The following MYO18B variants were observed in gnomAD, a reference collection of about 807,000 sequenced individuals.
The protein encoded by MYO18B is unconventional myosin-XVIIIb.
MYO18B carries 204 observed loss-of-function variants against 273.0 expected under a neutral mutation model. The ratio of observed to expected loss-of-function variants is 0.75; its 90% CI spans 0.67 to 0.84. The LOEUF is 0.84. MYO18B is among the 40% of genes least tolerant of loss of function. The probability of loss-of-function intolerance (pLI) is 0.00; values close to 1 mark genes in which losing one functional copy is unlikely to be tolerated. For missense variants in MYO18B, 3,212 were observed against 3,287.6 expected, an observed-to-expected ratio of 0.98 and a Z score of 0.56; for synonymous variants, 1,330 against 1,305.7, an observed-to-expected ratio of 1.02 and a Z score of -0.40.
Position 25,768,157 on chromosome 22 carries a change from A to G in MYO18B, c.241A>G (p.Ser81Gly). Residue 81 changes from serine (S) to glycine (G), a missense_variant, in exon 4 of 44, where the codon AGT becomes GGT. Coordinates refer to ENST00000335473, the MANE Select transcript of MYO18B (RefSeq NM_032608.7). ...CAGCCAACCCAACAGCAAGTCCAGC[A>G]GTGGCACCAGATCTGGAAGCCAGCA... is the stretch of plus-strand genomic sequence containing the variant. ...SISQPNSKSSSGTRSGSQQIS... is the reference protein window; with the variant it reads ...SISQPNSKSSGGTRSGSQQIS... The G allele has an allele frequency of 6.2e-7, 1 of 1,611,306 alleles. No homozygotes were observed. The highest frequency in any genetic ancestry group is 8.5e-7 in the Non-Finnish European group (1 of 1,178,518).
At position 25,959,793 on chromosome 22, in the gene MYO18B, G is replaced by C. The variant is rs146171715; in HGVS notation, c.6156+4429G>C. Among the ~76,000 whole-genome samples the C allele has an allele frequency of 7.4e-3, 1,128 of 152,290 alleles. 6 individuals are homozygous for C. The highest frequency in any genetic ancestry group is 0.024 in the Middle Eastern group (7 of 292). On this transcript the variant is annotated intron_variant, in intron 39 of 43. Coordinates refer to ENST00000335473, the MANE Select transcript of MYO18B (RefSeq NM_032608.7). ...GGTGTGAGGTTGTCCAGGGCTGCAG[G>C]GTCAGAAAGGGCAGAGCTGGGATTG...
Position 26,030,958 on chromosome 22 carries a change from ATAAG to A in MYO18B, c.*530_*533del, listed in dbSNP as rs1443618415. Reference sequence around the variant, plus strand: ...ATTCATTTCTCTATCCTGTGTATGTATAAGTGTGTACAAGCATTCAAGAAACTGA... The same window carrying A: ...ATTCATTTCTCTATCCTGTGTATGTATGTGTACAAGCATTCAAGAAACTGA... On this transcript the variant is annotated 3_prime_UTR_variant, in exon 44 of 44. Transcript: ENST00000335473. 7.5e-6 allele frequency: 3 copies of A among 398,454 alleles called. No individual in the cohort carries two copies. The South Asian group carries it at 3.8e-4, about 51-fold the overall frequency. 24.7% of individuals were successfully genotyped at this position (398,454 alleles called of 1,614,324 possible).
At chr22:25,986,463 T>C (rs2093203686) in intron 39 of MYO18B, among the ~76,000 whole-genome samples, 1 of 152,148 alleles carries the variant, frequency 6.6e-6, no homozygotes, top group Non-Finnish European at 1.5e-5. Flanking sequence ...TAATCTCAGC[T>C]CACTTTTTAT....
chr22:26,020,655 G>A (rs1883957437), intron 42 of MYO18B, among the ~76,000 whole-genome samples: 2 of 152,276 alleles, frequency 1.3e-5, no homozygotes, highest in South Asian at 4.1e-4. Flanking sequence ...TAGTACTGGG[G>A]GTAATGGAGG....
At chr22:25,878,249 G>A (rs562139760) in intron 25 of MYO18B, among the ~76,000 whole-genome samples, 3 of 152,074 alleles carry the variant, frequency 2.0e-5, no homozygotes, top group East Asian at 1.9e-4. Flanking sequence ...TATCTTCCTC[G>A]AGGCTGCACA....
intron 7 of MYO18B, among the ~76,000 whole-genome samples, chr22:25,776,225 C>G (rs1439327980): frequency 6.6e-6 from 1 of 152,170 alleles, no homozygotes; most frequent in African/African-American, 2.4e-5. Flanking sequence ...ACAGTTTGTT[C>G]CTTTATTTTA....
At chr22:25,877,902 A>C in intron 24 of MYO18B, 57 bp from the exon 25 acceptor site, 1 of 1,440,624 alleles carries the variant, frequency 6.9e-7, no homozygotes, top group East Asian at 2.5e-5. Context: ...CTCCTAACAC[A>C]GGTGGAACTT....
At chr22:26,061,524 G>C in the MYO18B span, among the ~76,000 whole-genome samples, 8 of 151,926 alleles carry the variant, frequency 5.3e-5, no homozygotes, top group African/African-American at 1.7e-4. Context: ...AGCCTCACCA[G>C]ATGAATATCC....
At chr22:25,826,564 C>T (rs763919071) in intron 14 of MYO18B, 65 bp downstream of exon 14, 59 of 1,434,418 alleles carry the variant, frequency 4.1e-5, no homozygotes, top group Middle Eastern at 1.9e-4. Context: ...ATTCACATAC[C>T]GGGCAGTTGA....
intron 39 of MYO18B, among the ~76,000 whole-genome samples, chr22:25,971,799 T>C (rs548278016): frequency 1.3e-5 from 2 of 152,238 alleles, no homozygotes; most frequent in Non-Finnish European, 2.9e-5. Context: ...AAAGACTTGT[T>C]GTCTGTAAGC....
At chr22:25,780,726 C>T (rs1456512241) in intron 9 of MYO18B, among the ~76,000 whole-genome samples, 1 of 151,994 alleles carries the variant, frequency 6.6e-6, no homozygotes, top group Non-Finnish European at 1.5e-5. Flanking sequence ...TGCCCTGGAA[C>T]GTCCCCTTCT....
chr22:26,022,382 A>G (rs1430569711), intron 42 of MYO18B, among the ~76,000 whole-genome samples: 3 of 152,140 alleles, frequency 2.0e-5, no homozygotes, highest in Non-Finnish European at 4.4e-5. Flanking sequence ...CACTCAGCAG[A>G]ACTTGGGATC....
intron 3 of MYO18B, among the ~76,000 whole-genome samples, chr22:25,766,679 G>A (rs1448086232): frequency 1.3e-5 from 2 of 152,240 alleles, no homozygotes; most frequent in Non-Finnish European, 2.9e-5. Context: ...CAGCCTGGAA[G>A]CAGGGACTGG....
At chr22:26,031,822 G>C (rs896422463), downstream of MYO18B, among the ~76,000 whole-genome samples, 1 of 152,222 alleles carries the variant, frequency 6.6e-6, no homozygotes. Flanking sequence ...GAGCACGTTG[G>C]TGGAACAGTG....
chr22:25,902,202 A>G (rs952011164), intron 29 of MYO18B, among the ~76,000 whole-genome samples: 3 of 151,784 alleles, frequency 2.0e-5, no homozygotes, highest in Non-Finnish European at 4.4e-5. Context: ...ATTCCTGTCC[A>G]TATATTTTTA....
chr22:25,955,975 AT>A (rs1303285493), intron 39 of MYO18B, among the ~76,000 whole-genome samples: 2 of 152,228 alleles, frequency 1.3e-5, no homozygotes, highest in Non-Finnish European at 1.5e-5. Flanking sequence ...TGAAGGAAAC[AT>A]TTCTCGTCTA....
Position 25,983,985 on chromosome 22 carries a change from G to A in MYO18B, c.6157-8378G>A, listed in dbSNP as rs996432438. On this transcript the variant is annotated intron_variant, in intron 39 of 43. Transcript: ENST00000335473. ...CAACAAAACAAGTAATAGATTCTTAGACATCATTTTCTGAAAAATGAAGTT... is the reference window on the plus strand; with the variant it reads ...CAACAAAACAAGTAATAGATTCTTAAACATCATTTTCTGAAAAATGAAGTT... Among the ~76,000 whole-genome samples the A allele has an allele frequency of 2.6e-5, 4 of 152,268 alleles. No individual in the cohort carries two copies. In the East Asian group the frequency reaches 5.8e-4, roughly 22 times the overall value.
chr22:26,004,092 AATAT>A (rs1344840917), intron 41 of MYO18B, among the ~76,000 whole-genome samples: 3 of 151,442 alleles, frequency 2.0e-5, no homozygotes, highest in African/African-American at 7.2e-5. Flanking sequence ...TATATATTAT[AATAT>A]ATATACACAT....
chr22:26,040,116 T>G, the MYO18B span, among the ~76,000 whole-genome samples: 2 of 152,256 alleles, frequency 1.3e-5, no homozygotes, highest in Non-Finnish European at 2.9e-5. Flanking sequence ...ATATAATATT[T>G]GGTTTTCCAT....
Sources: gnomAD v4.1 joint callset for allele counts (sites outside exome capture counted in the v4.1 genomes callset) on GRCh38, gnomAD v4.1.1 for gene constraint, MANE v1.5 for transcripts, NCBI Gene and HGNC (gene_info 2026-07-23, HGNC 2026-07-21) for gene names.